Variants in NALF1 observed in about 807,000 individuals in gnomAD.
NALF1 encodes the protein family with sequence similarity 155 member A.
In NALF1, 3 loss-of-function variants were observed where a neutral mutation model predicts 48.4. The ratio of observed to expected loss-of-function variants is 0.06; its 90% confidence interval spans 0.03 to 0.16. The LOEUF (loss-of-function observed/expected upper bound fraction) is 0.16, where lower values mean the gene tolerates loss of function less well. Among genes scored for constraint, NALF1 ranks in the 10% least tolerant of loss-of-function variants. The probability of loss-of-function intolerance (pLI) is 1.00; values close to 1 mark genes in which losing one functional copy is unlikely to be tolerated. For missense variants in NALF1, 526 were observed against 571.5 expected (o/e 0.92, Z 0.81); for synonymous variants, 262 against 245.7 (o/e 1.07, Z -0.62).
chr13:107,726,867 G>A (rs979306984), intron 1 of NALF1, among the ~76,000 whole-genome samples: 12 of 151,674 alleles, frequency 7.9e-5, no homozygotes, highest in Admixed American at 3.9e-4. Context: ...GCCTCCCAAA[G>A]TGCTGGGATT....
chr13:107,344,049 G>A (rs545379526), intron 1 of NALF1, among the ~76,000 whole-genome samples: 174 of 151,940 alleles, frequency 1.1e-3, no homozygotes, highest in Non-Finnish European at 1.9e-3. Flanking sequence ...GATAATAAGC[G>A]ACTACAGAAC....
At chr13:107,716,961 G>A (rs913972406) in intron 1 of NALF1, among the ~76,000 whole-genome samples, 1 of 152,144 alleles carries the variant, frequency 6.6e-6, no homozygotes, top group Non-Finnish European at 1.5e-5. Context: ...CAAAATCACT[G>A]ACTCTCAGAG....
At chr13:107,594,802 G>A (rs1027959718) in intron 1 of NALF1, among the ~76,000 whole-genome samples, 2 of 151,784 alleles carry the variant, frequency 1.3e-5, no homozygotes, top group Non-Finnish European at 2.9e-5. Flanking sequence ...TGTTGAAATG[G>A]TGCTGTCACA....
intron 1 of NALF1, among the ~76,000 whole-genome samples, chr13:107,631,172 A>T (rs1340375223): frequency 6.6e-6 from 1 of 151,952 alleles, no homozygotes; most frequent in Non-Finnish European, 1.5e-5. Flanking sequence ...AATGTTTTTC[A>T]TTTTTAATAG....
intron 1 of NALF1, among the ~76,000 whole-genome samples, chr13:107,561,492 A>G (rs1877643060): frequency 6.6e-6 from 1 of 152,226 alleles, no homozygotes; most frequent in East Asian, 1.9e-4. Context: ...TCATATCGGA[A>G]GGACTCAGCG....
At chr13:107,576,220 A>G (rs988860852) in intron 1 of NALF1, among the ~76,000 whole-genome samples, 1 of 152,168 alleles carries the variant, frequency 6.6e-6, no homozygotes, top group Non-Finnish European at 1.5e-5. Context: ...AGGTCTTATC[A>G]TTGCAGATAA....
chr13:107,571,886 A>G (rs899800495), intron 1 of NALF1, among the ~76,000 whole-genome samples: 8 of 152,184 alleles, frequency 5.3e-5, no homozygotes, highest in African/African-American at 1.7e-4. Flanking sequence ...ATGTTTGAGT[A>G]GAAGAGTAGT....
At chr13:107,597,482 T>A (rs1878788135) in intron 1 of NALF1, among the ~76,000 whole-genome samples, 1 of 152,152 alleles carries the variant, frequency 6.6e-6, no homozygotes, top group South Asian at 2.1e-4. Context: ...ATGCATGAAT[T>A]TTTGTGTGTG....
intron 1 of NALF1, among the ~76,000 whole-genome samples, chr13:107,483,872 TAAA>T (rs1885289227): frequency 6.6e-6 from 1 of 151,984 alleles, no homozygotes. Context: ...ATATAATAGT[TAAA>T]AAAGCTTTAG....
At chr13:107,826,147 A>G (rs1485589105) in intron 1 of NALF1, among the ~76,000 whole-genome samples, 1 of 152,250 alleles carries the variant, frequency 6.6e-6, no homozygotes, top group East Asian at 1.9e-4. Context: ...GAGCCACATT[A>G]CTGAAGCCTG....
intron 1 of NALF1, among the ~76,000 whole-genome samples, chr13:107,526,411 C>A (rs1876443740): frequency 6.6e-6 from 1 of 152,046 alleles, no homozygotes; most frequent in South Asian, 2.1e-4. Context: ...TTTATGTTAT[C>A]TATGTATCCC....
At chr13:107,776,050 G>C (rs1035120923) in intron 1 of NALF1, among the ~76,000 whole-genome samples, 2 of 152,200 alleles carry the variant, frequency 1.3e-5, no homozygotes, top group Non-Finnish European at 2.9e-5. Context: ...AGCAGCAAGA[G>C]GGAAAGAGGA....
chr13:107,539,917 T>C (rs1471652422), intron 1 of NALF1, among the ~76,000 whole-genome samples: 3 of 152,140 alleles, frequency 2.0e-5, no homozygotes, highest in Admixed American at 2.0e-4. Flanking sequence ...AAACTTACAG[T>C]CTTATTTCTA....
intron 1 of NALF1, among the ~76,000 whole-genome samples, chr13:107,791,085 C>T (rs370379254): frequency 6.6e-6 from 1 of 152,208 alleles, no homozygotes; most frequent in South Asian, 2.1e-4. Flanking sequence ...ATAAAATCCA[C>T]CTTTTCCTAT....
chr13:107,349,752 A>AAAG (rs1882838160), intron 1 of NALF1, among the ~76,000 whole-genome samples: 1 of 151,678 alleles, frequency 6.6e-6, no homozygotes, highest in Admixed American at 6.6e-5. Context: ...AAAAAAAAAA[A>AAAG]AAAGAAACTG....
At chr13:107,190,233 T>C (rs1379309203) in intron 2 of NALF1, among the ~76,000 whole-genome samples, 4 of 152,206 alleles carry the variant, frequency 2.6e-5, no homozygotes, top group African/African-American at 7.2e-5. Context: ...AGGTTGTAAT[T>C]GAAGAGACAG....
At chr13:107,359,231 C>G (rs901089844) in intron 1 of NALF1, among the ~76,000 whole-genome samples, 2 of 152,176 alleles carry the variant, frequency 1.3e-5, no homozygotes, top group African/African-American at 4.8e-5. Flanking sequence ...AACACTCAAA[C>G]CTACAGTGAA....
intron 1 of NALF1, among the ~76,000 whole-genome samples, chr13:107,762,509 T>A (rs1877292683): frequency 6.6e-6 from 1 of 151,966 alleles, no homozygotes; most frequent in Non-Finnish European, 1.5e-5. Flanking sequence ...GAGAAGGATG[T>A]GAGTGAAGAT....
intron 1 of NALF1, among the ~76,000 whole-genome samples, chr13:107,226,606 T>A (rs1206690475): frequency 2.0e-5 from 3 of 152,230 alleles, no homozygotes; most frequent in African/African-American, 7.2e-5. Flanking sequence ...GGTTTCTGAC[T>A]TTTTATAACC....
Sources: allele counts gnomAD v4.1 joint callset (sites outside exome capture counted in the v4.1 genomes callset), GRCh38; gene constraint gnomAD v4.1.1; transcripts MANE v1.5; gene names NCBI Gene and HGNC (gene_info 2026-07-23, HGNC 2026-07-21).